RECK: variants seen among roughly 807,000 people sequenced by gnomAD.
The protein encoded by RECK is reversion inducing cysteine rich protein with kazal motifs.
RECK carries 69 observed loss-of-function variants against 115.1 expected under a neutral mutation model. The ratio of observed to expected loss-of-function variants is 0.60; its 90% CI spans 0.49 to 0.73. RECK has a LOEUF of 0.73. Among genes scored for constraint, RECK ranks in the 30% least tolerant of loss-of-function variants. RECK has a pLI of 0.00. For missense variants in RECK, 1,047 were observed against 1,203.7 expected (o/e 0.87, Z 1.93); for synonymous variants, 414 against 419.7 (o/e 0.99, Z 0.17).
chr9:36,091,443 GA>G, intron 10 of RECK, 100 bp downstream of exon 10: 1 of 930,836 alleles, frequency 1.1e-6, no homozygotes, highest in Non-Finnish European at 1.5e-6. Context: ...TGGGTTAAAA[GA>G]AAGTCTTCTT....
Position 36,104,292 on chromosome 9 carries a change from GTATATATATATA to G in RECK, c.1436-827_1436-816del, listed in dbSNP as rs11273343. ...ATACATAGCATGTGTGTGTGTGTGTGTATATATATATATATATATATATATATATATATATTT... is the reference window on the plus strand; with the variant it reads ...ATACATAGCATGTGTGTGTGTGTGTGTATATATATATATATATATATATTT... On this transcript the variant is annotated intron_variant, in intron 12 of 20. Coordinates refer to ENST00000377966, the MANE Select transcript of RECK (RefSeq NM_021111.3). Among the ~76,000 whole-genome samples the G allele has an allele frequency of 3.8e-3, 167 of 43,880 alleles. 5 individuals are homozygous for G. Among genetic ancestry groups the G allele is most frequent in the African/African-American group, 7.0e-3 (78 of 11,160 alleles). 28.8% of individuals were successfully genotyped at this position (43,880 alleles called of 152,430 possible).
chr9:36,084,573 T>A (rs1427020193), intron 8 of RECK, among the ~76,000 whole-genome samples: 1 of 152,032 alleles, frequency 6.6e-6, no homozygotes, highest in Admixed American at 6.6e-5. Flanking sequence ...CACATGCCTG[T>A]AATCCCAGCT....
intron 12 of RECK, among the ~76,000 whole-genome samples, chr9:36,104,327 T>TATATA (rs1491333559): frequency 2.3e-4 from 2 of 8,816 alleles, no homozygotes; most frequent in African/African-American, 3.8e-4. Context: ...TATATATATA[T>TATATA]TTTTTTTTTT....
chr9:36,083,356 T>TC lies in RECK; in HGVS notation c.440-8dup. The TC allele has an allele frequency of 6.2e-7, 1 of 1,610,274 alleles. No homozygotes were observed. Among genetic ancestry groups the TC allele is most frequent in the Non-Finnish European group, 8.5e-7 (1 of 1,177,514 alleles). On this transcript the variant is annotated splice_polypyrimidine_tract_variant and intron_variant, in intron 7 of 20. Transcript: ENST00000377966. ...TCCATGTCAGTGCCTTCTCTTTTTT[T>TC]CTCCATAGTGGGCTCGGTTTGTTGC... is the stretch of plus-strand genomic sequence containing the variant.
intron 18 of RECK, among the ~76,000 whole-genome samples, chr9:36,119,592 C>A (rs994560382): frequency 3.9e-5 from 6 of 152,198 alleles, no homozygotes; most frequent in African/African-American, 1.2e-4. Context: ...CTAACAGGTT[C>A]ATTCCTCCAT....
intron 1 of RECK, among the ~76,000 whole-genome samples, chr9:36,044,416 C>T (rs950231734): frequency 4.6e-5 from 7 of 152,076 alleles, no homozygotes; most frequent in South Asian, 2.1e-4. Flanking sequence ...ATCATATGAT[C>T]GGCAAACAGC....
rs980357877 is a variant in RECK at position 36,107,445 on chromosome 9, G to A, written c.1577-531G>A. ...TCTACTAAAAATACAAAAATTAGCC[G>A]GGTACAAAAATTAGCTGGGTGTGGT... On this transcript the variant is annotated intron_variant, in intron 13 of 20. Coordinates refer to ENST00000377966, the MANE Select transcript of RECK (RefSeq NM_021111.3). Among the ~76,000 whole-genome samples, 10 of 151,602 alleles carry A rather than the reference G, an allele frequency of 6.6e-5. No homozygotes were observed. In the East Asian group the frequency reaches 1.4e-3, roughly 21 times the overall value.
intron 12 of RECK, among the ~76,000 whole-genome samples, chr9:36,102,643 A>G (rs1823604563): frequency 6.6e-6 from 1 of 151,704 alleles, no homozygotes; most frequent in African/African-American, 2.4e-5. Context: ...GGACTTACTC[A>G]CCCAACAGGG....
intron 2 of RECK, among the ~76,000 whole-genome samples, chr9:36,054,237 A>G (rs976925490): frequency 6.6e-5 from 10 of 152,192 alleles, no homozygotes; most frequent in African/African-American, 2.4e-4. Flanking sequence ...CTGAGTAAAC[A>G]GCATTCTTGA....
At chr9:36,119,032 A>C in intron 18 of RECK, 65 bp downstream of exon 18, 1 of 1,467,076 alleles carries the variant, frequency 6.8e-7, no homozygotes, top group Non-Finnish European at 9.5e-7. Context: ...ACCTCCAGAG[A>C]GTGAGTCATT....
chr9:36,076,378 A>C (rs1304727809), intron 6 of RECK, among the ~76,000 whole-genome samples: 1 of 152,218 alleles, frequency 6.6e-6, no homozygotes, highest in African/African-American at 2.4e-5. Flanking sequence ...AGCAGAGTCT[A>C]CTTCCCAGGT....
intron 6 of RECK, among the ~76,000 whole-genome samples, chr9:36,069,828 A>G (rs1283474062): frequency 1.3e-5 from 2 of 152,152 alleles, no homozygotes; most frequent in African/African-American, 4.8e-5. Flanking sequence ...TTATAGACAG[A>G]CATCATAGCC....
intron 1 of RECK, 50 bp downstream of exon 1, chr9:36,037,148 C>A: frequency 8.5e-7 from 1 of 1,183,058 alleles, no homozygotes; most frequent in Non-Finnish European, 1.1e-6. Context: ...GCGGCCGCCA[C>A]AGCGCTCCAA....
At chr9:36,088,456 A>T (rs1238158974) in intron 9 of RECK, among the ~76,000 whole-genome samples, 2 of 152,178 alleles carry the variant, frequency 1.3e-5, no homozygotes, top group Non-Finnish European at 2.9e-5. Flanking sequence ...CAAATATAGG[A>T]TGTAGGAATT....
chr9:36,118,966 G>A lies in RECK; in HGVS notation c.2463G>A (p.Pro821=), dbSNP rs1477187017. The change falls in exon 18 of 21, where the codon CCG becomes CCA. Residue 821 remains proline, a splice_region_variant and synonymous_variant. Transcript: ENST00000377966. The part of the protein sequence containing the change: ...LAAGCKPIIP[P]GACCPLCAGM... ...CTGGATGCAAACCCATCATCCCACC[G>A]GGTAGGCTGGCAGTATCGGGGTGGA... 1.4e-5 allele frequency: 23 copies of A among 1,611,658 alleles called. No individual in the cohort carries two copies. The highest frequency in any genetic ancestry group is 6.7e-5 in the Admixed American group (4 of 59,968).
rs1483641334 is a variant in RECK, at chr9:36,118,952, C to G, written c.2449C>G (p.Pro817Ala). Residue 817 changes from proline (P) to alanine (A), a missense_variant, in exon 18 of 21, where the codon CCC (proline) becomes GCC (alanine). Pro to Ala is a conservative substitution (Grantham distance 27, BLOSUM62 -1). Coordinates refer to ENST00000377966, the MANE Select transcript of RECK (RefSeq NM_021111.3). ...CPSLLAAGCK[P>A]IIPPGACCPL... ...TTCGCTCTTGGCAGCTGGATGCAAA[C>G]CCATCATCCCACCGGGTAGGCTGGC... 6.2e-7 allele frequency: 1 copy of G among 1,612,436 alleles called. No homozygotes were observed. The highest frequency in any genetic ancestry group is 8.5e-7 in the Non-Finnish European group (1 of 1,179,878).
At chr9:36,114,670 T>C (rs1019924171) in intron 16 of RECK, among the ~76,000 whole-genome samples, 6 of 152,096 alleles carry the variant, frequency 3.9e-5, no homozygotes, top group African/African-American at 1.4e-4. Flanking sequence ...CTGGGCAACA[T>C]GGTGAAACCC....
At chr9:36,091,766 G>A (rs912107479) in intron 10 of RECK, among the ~76,000 whole-genome samples, 1 of 152,154 alleles carries the variant, frequency 6.6e-6, no homozygotes, top group Non-Finnish European at 1.5e-5. Context: ...CTTTACAAAA[G>A]CAATTCAAAT....
At chr9:36,043,321 C>A (rs1032848166) in intron 1 of RECK, among the ~76,000 whole-genome samples, 1 of 149,320 alleles carries the variant, frequency 6.7e-6, no homozygotes, top group Non-Finnish European at 1.5e-5. Context: ...GGATTACAGG[C>A]GTGAGCCACC....
Sources: gnomAD v4.1 joint callset for allele counts (sites outside exome capture counted in the v4.1 genomes callset) on GRCh38, gnomAD v4.1.1 for gene constraint, MANE v1.5 for transcripts, NCBI Gene and HGNC (gene_info 2026-07-23, HGNC 2026-07-21) for gene names.